Variants in BCAR3 observed in about 807,000 individuals in gnomAD.
BCAR3 encodes the protein breast cancer anti-estrogen resistance protein 3.
In BCAR3, 37 loss-of-function variants were observed where a neutral mutation model predicts 80.1. The observed-to-expected ratio is 0.46, with a 90% confidence interval of 0.36 to 0.61. BCAR3 has a LOEUF of 0.61. Ranked by LOEUF, BCAR3 falls within the 20% of genes least tolerant of loss-of-function variation. The pLI, the probability that BCAR3 is intolerant of heterozygous loss-of-function variation, is 0.00. For synonymous variants in BCAR3, 389 were observed against 418.9 expected (o/e 0.93, Z 0.87); for missense variants, 978 against 1,068.2 (o/e 0.92, Z 1.18).
At chr1:93,845,435 T>C (rs1432332508) in intron 2 of BCAR3, 1 of 143,942 alleles carries the variant, frequency 6.9e-6, no homozygotes, top group Non-Finnish European at 1.5e-5. Flanking sequence ...GTGAAGACAT[T>C]TAATTCATTA....
chr1:93,593,728 A>AAACAACAACAAC (rs112457260), intron 3 of BCAR3, among the ~76,000 whole-genome samples: 2,490 of 151,290 alleles, frequency 0.016, 28 homozygotes, highest in Middle Eastern at 0.038. Context: ...CTTTTCCACC[A>AAACAACAACAAC]AACAACAACA....
chr1:93,842,033 G>A (rs1654980746), intron 2 of BCAR3, among the ~76,000 whole-genome samples: 1 of 152,046 alleles, frequency 6.6e-6, no homozygotes. Context: ...GCCTCCCTGT[G>A]TAATTCCCTC....
intron 3 of BCAR3, among the ~76,000 whole-genome samples, chr1:93,629,759 A>C (rs1675554751): frequency 6.6e-6 from 1 of 152,216 alleles, no homozygotes; most frequent in Non-Finnish European, 1.5e-5. Context: ...AAGATCTCCC[A>C]AAGAGTAGAT....
intron 8 of BCAR3, among the ~76,000 whole-genome samples, chr1:93,572,678 T>G (rs138911917): frequency 8.6e-4 from 131 of 152,330 alleles, no homozygotes; most frequent in African/African-American, 3.1e-3. Context: ...TTAACTGCTT[T>G]AGACCAGAAT....
chr1:93,640,386 C>A (rs1675940517), intron 3 of BCAR3, among the ~76,000 whole-genome samples: 2 of 152,048 alleles, frequency 1.3e-5, no homozygotes, highest in Non-Finnish European at 2.9e-5. Context: ...CATTCCCAAA[C>A]CATCCCTCTA....
chr1:93,648,340 G>A (rs1328132936), intron 2 of BCAR3, among the ~76,000 whole-genome samples: 1 of 152,120 alleles, frequency 6.6e-6, no homozygotes, highest in Non-Finnish European at 1.5e-5. Flanking sequence ...GAGGTAAATG[G>A]TTTGATCTTG....
At chr1:93,706,338 A>T (rs1163475529) in intron 2 of BCAR3, among the ~76,000 whole-genome samples, 1 of 152,084 alleles carries the variant, frequency 6.6e-6, no homozygotes, top group Non-Finnish European at 1.5e-5. Context: ...TTCTGCCTAG[A>T]TGTTTCTTTG....
chr1:93,603,541 G>A (rs1342030228), intron 3 of BCAR3, among the ~76,000 whole-genome samples: 1 of 152,214 alleles, frequency 6.6e-6, no homozygotes, highest in Non-Finnish European at 1.5e-5. Flanking sequence ...CTTGCTATGA[G>A]CCAGCTCCTT....
chr1:93,740,449 G>A lies in BCAR3; in HGVS notation c.-62-34307C>T, dbSNP rs184113220. ...AACCCCAGTCCCATCAGTCTGTCAGGGTCTGTCCTCACCCAAAGACAGACT... is the reference window on the plus strand; with the variant it reads ...AACCCCAGTCCCATCAGTCTGTCAGAGTCTGTCCTCACCCAAAGACAGACT... On this transcript the variant is annotated intron_variant, in intron 2 of 13. Transcript: ENST00000370244. Among the ~76,000 whole-genome samples, 17 of 152,268 alleles carry A rather than the reference G, an allele frequency of 1.1e-4. No individual in the cohort carries two copies. In the East Asian group the frequency reaches 3.1e-3, roughly 28 times the overall value.
At position 93,740,046 on chromosome 1, in the gene BCAR3, A is replaced by AG. The variant is rs939070688; in HGVS notation, c.-62-33905_-62-33904insC. 5.2e-4 allele frequency among the ~76,000 whole-genome samples: 79 copies of AG among 152,016 alleles called. 1 individual carries two copies. The highest frequency in any genetic ancestry group is 1.7e-3 in the African/African-American group (72 of 41,484). On this transcript the variant is annotated intron_variant, in intron 2 of 13. Transcript: ENST00000370244. ...GTGAAACTCCGTCTCAAAAAAAAAA[A>AG]AAAGAAAGAAAGAAAAAGAAAAGAG...
intron 2 of BCAR3, among the ~76,000 whole-genome samples, chr1:93,838,054 G>A (rs1325915366): frequency 6.6e-6 from 1 of 152,232 alleles, no homozygotes; most frequent in Non-Finnish European, 1.5e-5. Flanking sequence ...TGGCCAGCAA[G>A]TAAGATCATC....
At chr1:93,734,123 A>T (rs1650897552) in intron 2 of BCAR3, among the ~76,000 whole-genome samples, 1 of 152,208 alleles carries the variant, frequency 6.6e-6, no homozygotes, top group Non-Finnish European at 1.5e-5. Context: ...CTTCAGATGG[A>T]GTTCCAGGTG....
chr1:93,647,775 T>C (rs1676186707), intron 2 of BCAR3, among the ~76,000 whole-genome samples: 1 of 152,002 alleles, frequency 6.6e-6, no homozygotes, highest in Non-Finnish European at 1.5e-5. Flanking sequence ...ATTGTTTTCT[T>C]GAAATATGTT....
chr1:93,620,967 A>C (rs236308), intron 3 of BCAR3, among the ~76,000 whole-genome samples: 44,246 of 152,116 alleles, frequency 0.29, 8,675 homozygotes, highest in African/African-American at 0.57. Flanking sequence ...CTAAAGCCAC[A>C]CATCCCTATC....
In BCAR3 at chr1:93,674,755, G is replaced by A. The variant is rs1456108184; in HGVS notation, c.176C>T (p.Pro59Leu). 2 of 1,613,260 alleles carry A rather than the reference G, an allele frequency of 1.2e-6. No individual in the cohort carries two copies. Among genetic ancestry groups the A allele is most frequent in the Non-Finnish European group, 1.7e-6 (2 of 1,179,822 alleles). Residue 59 changes from proline (P) to leucine (L), a missense_variant, in exon 2 of 12, where the codon CCT (proline) becomes CTT (leucine). By Grantham distance (98) the Pro-to-Leu change is moderately conservative (BLOSUM62 -3). Coordinates refer to ENST00000260502, the MANE Select transcript of BCAR3 (RefSeq NM_003567.4). ...GAAGTCATCACAGGACCTTATGGGA[G>A]GAGGACCTTTTTTCTTCCGTGGAAG... ...GTLPRKKKGP[P>L]PIRSCDDFSH...
At chr1:93,717,196 G>C (rs1650218804) in intron 2 of BCAR3, among the ~76,000 whole-genome samples, 1 of 152,212 alleles carries the variant, frequency 6.6e-6, no homozygotes, top group Non-Finnish European at 1.5e-5. Flanking sequence ...CATCCTAGCT[G>C]AGTAACCCCA....
intron 3 of BCAR3, among the ~76,000 whole-genome samples, chr1:93,603,919 G>C (rs1196599681): frequency 3.9e-5 from 6 of 152,188 alleles, no homozygotes; most frequent in African/African-American, 1.4e-4. Context: ...AAAGAAATTG[G>C]CAGCAGAGAT....
At position 93,643,056 on chromosome 1, in the gene BCAR3, C is replaced by T. The variant is rs374244419; in HGVS notation, c.318-713G>A. Among the ~76,000 whole-genome samples the T allele has an allele frequency of 8.6e-5, 13 of 152,036 alleles. No individual in the cohort carries two copies. The South Asian group carries it at 2.7e-3, about 32-fold the overall frequency. On this transcript the variant is annotated intron_variant, in intron 2 of 11. Coordinates refer to ENST00000260502, the MANE Select transcript of BCAR3 (RefSeq NM_003567.4). ...CAGCCCGACCAGCATGGAGAAACCC[C>T]GTCTCTACTAAAAATACAAAATTAG...
rs1243046758 is a variant in BCAR3 at position 93,583,933 on chromosome 1, T to C, written c.1033+85A>G. 8 of 1,354,634 alleles carry C rather than the reference T, an allele frequency of 5.9e-6. No homozygotes were observed. In the East Asian group the frequency reaches 1.8e-4, roughly 31 times the overall value. 83.9% of individuals were successfully genotyped at this position (1,354,634 alleles called of 1,614,324 possible). A position where few individuals can be genotyped will look rare whatever the true frequency, so the allele number is the denominator to read the frequency against. ...CCTGAGGCCTTGTGTCGTTTTCGAA[T>C]GAGACAACTAGATGGGGCAGGGTAA... On this transcript the variant is annotated intron_variant, in intron 6 of 11. Transcript: ENST00000260502.
Sources: allele counts gnomAD v4.1 joint callset (sites outside exome capture counted in the v4.1 genomes callset), GRCh38; gene constraint gnomAD v4.1.1; transcripts MANE v1.5; gene names NCBI Gene and HGNC (gene_info 2026-07-23, HGNC 2026-07-21).